ZSCAN26: variants seen among roughly 807,000 people sequenced by gnomAD.
ZSCAN26 encodes the protein zinc finger and SCAN domain containing 26.
ZSCAN26 carries 26 observed loss-of-function variants against 23.0 expected under a neutral mutation model. That is an observed-to-expected ratio of 1.13 (90% CI 0.83 to 1.57). The LOEUF (loss-of-function observed/expected upper bound fraction) is 1.57. ZSCAN26 is among the 40% of genes most tolerant of loss of function. The pLI is 0.00. For synonymous variants in ZSCAN26, 180 were observed against 202.5 expected (o/e 0.89, Z 0.94); for missense variants, 528 against 568.5 (o/e 0.93, Z 0.72).
intron 1 of ZSCAN26, among the ~76,000 whole-genome samples, chr6:28,270,410 A>G (rs1436200027): frequency 1.3e-5 from 2 of 152,330 alleles, no homozygotes; most frequent in African/African-American, 2.4e-5. Context: ...ACTGATCTAT[A>G]GGGATACTCA....
chr6:28,269,210 A>G (rs1761578638), intron 1 of ZSCAN26, among the ~76,000 whole-genome samples: 1 of 152,088 alleles, frequency 6.6e-6, no homozygotes, highest in Non-Finnish European at 1.5e-5. Flanking sequence ...ACCAGTATAT[A>G]TATATGTATG....
In ZSCAN26 at chr6:28,277,586, C is replaced by T. The variant is rs1312919226; in HGVS notation, c.*490C>T. 2 of 152,898 alleles carry T rather than the reference C, an allele frequency of 1.3e-5. No homozygotes were observed. Among genetic ancestry groups the T allele is most frequent in the Non-Finnish European group, 2.9e-5 (2 of 68,534 alleles). 9.5% of individuals were successfully genotyped at this position (152,898 alleles called of 1,614,324 possible). ...CAGGTTAATGGTGAACATTTTCCCC[C>T]AGTGGCTTCACCTCATTCCTCCCAC... is the stretch of plus-strand genomic sequence containing the variant. On this transcript the variant is annotated 3_prime_UTR_variant, in exon 4 of 4. Coordinates refer to ENST00000421553, the MANE Select transcript of ZSCAN26 (RefSeq NM_001023560.4).
Position 28,275,179 on chromosome 6 carries a change from TAG to T in ZSCAN26, c.539-1013_539-1012del, listed in dbSNP as rs927600057. On this transcript the variant is annotated intron_variant, in intron 3 of 3. Coordinates refer to ENST00000421553, the MANE Select transcript of ZSCAN26 (RefSeq NM_001023560.4). ...TCTTTTGTTTGTTATTAGTGCTGCTTAGAGTCTTTCTTCTATTTTCTCCATCC... is the reference window on the plus strand; with the variant it reads ...TCTTTTGTTTGTTATTAGTGCTGCTTAGTCTTTCTTCTATTTTCTCCATCC... Among the ~76,000 whole-genome samples the T allele has an allele frequency of 2.2e-4, 33 of 152,202 alleles. 1 individual carries two copies. The highest frequency in any genetic ancestry group is 8.0e-4 in the African/African-American group (33 of 41,452).
At chr6:28,270,727 G>C (rs1761647285) in intron 1 of ZSCAN26, among the ~76,000 whole-genome samples, 3 of 152,016 alleles carry the variant, frequency 2.0e-5, no homozygotes, top group African/African-American at 7.2e-5. Flanking sequence ...TTTGAAATTT[G>C]TCATTTATGC....
chr6:28,272,736 G>A lies in ZSCAN26; in HGVS notation c.487G>A (p.Glu163Lys). ...GATGGCCCCTCTGAAAGGAGTACAG[G>A]AACAGCAGGTTCGGCATGAGTGTGA... ...EEMAPLKGVQ[E>K]QQVRHECEVT... Residue 163 changes from glutamate to lysine, a missense_variant, in exon 3 of 4, where the codon GAA (glutamate) becomes AAA (lysine). Physicochemically the swap from Glu to Lys is moderately conservative, Grantham distance 56 (BLOSUM62 1). Transcript: ENST00000421553. The A allele has an allele frequency of 6.2e-7, 1 of 1,613,598 alleles. No individual in the cohort carries two copies. The highest frequency in any genetic ancestry group is 8.5e-7 in the Non-Finnish European group (1 of 1,179,746).
In ZSCAN26 at chr6:28,277,175, C is replaced by T. The variant is rs1357667523; in HGVS notation, c.*79C>T. 6.9e-7 allele frequency: 1 copy of T among 1,441,242 alleles called. No homozygotes were observed. Among genetic ancestry groups the T allele is most frequent in the Admixed American group, 2.2e-5 (1 of 46,056 alleles). 89.3% of individuals were successfully genotyped at this position (1,441,242 alleles called of 1,614,324 possible). A position where few individuals can be genotyped will look rare whatever the true frequency, so the allele number is the denominator to read the frequency against. On this transcript the variant is annotated 3_prime_UTR_variant, in exon 4 of 4. Transcript: ENST00000421553. ...GCACTTTAGGAAAAGTCACCGTAGC[C>T]CACTGTGGCATCAGAAAATTCTTGG...
chr6:28,276,807 ACCATCAGAGAAT>A lies in ZSCAN26; in HGVS notation c.1156_1167del (p.Gln386_His389del), dbSNP rs778555035. 17 of 1,614,012 alleles carry A rather than the reference ACCATCAGAGAAT, an allele frequency of 1.1e-5. No individual in the cohort carries two copies. In the South Asian group the frequency reaches 1.5e-4, roughly 15 times the overall value. ...TTTAGTCAGGCCTTACTCCTCACCC[ACCATCAGAGAAT>A]CCATAGTCACTCCAAAAGCCATCAA... On this transcript the variant is annotated inframe_deletion, in exon 4 of 4. Transcript: ENST00000421553.
In ZSCAN26 at chr6:28,272,132, G is replaced by T. The variant is rs1163196623; in HGVS notation, c.213G>T (p.Arg71=). 6.2e-7 allele frequency: 1 copy of T among 1,609,418 alleles called. No individual in the cohort carries two copies. Among genetic ancestry groups the T allele is most frequent in the South Asian group, 1.1e-5 (1 of 90,242 alleles). ...ETTGPREALS[R]LRELCQQWLQ... is the part of the protein sequence containing the mutation. ...CAGGACCTCGAGAAGCACTAAGTCG[G>T]CTCCGGGAGCTCTGTCAACAGTGGC... Residue 71 remains arginine, a synonymous_variant, in exon 2 of 4, where the codon CGG becomes CGT. Coordinates refer to ENST00000421553, the MANE Select transcript of ZSCAN26 (RefSeq NM_001023560.4).
At chr6:28,270,781 C>T (rs1456798926) in intron 1 of ZSCAN26, among the ~76,000 whole-genome samples, 3 of 152,168 alleles carry the variant, frequency 2.0e-5, no homozygotes, top group Non-Finnish European at 2.9e-5. Flanking sequence ...TAGCTATTCT[C>T]ACTACCAAAA....
In ZSCAN26 at chr6:28,277,100, G is replaced by A; in HGVS notation, c.*4G>A. On this transcript the variant is annotated 3_prime_UTR_variant, in exon 4 of 4. Coordinates refer to ENST00000421553, the MANE Select transcript of ZSCAN26 (RefSeq NM_001023560.4). ...CCACAAAGACAAACTGGCTTGATGA[G>A]GTGTTCTCTCCTTGTAGAACATCAG... is the stretch of plus-strand genomic sequence containing the variant. 1.2e-6 allele frequency: 2 copies of A among 1,609,582 alleles called. No homozygotes were observed. The highest frequency in any genetic ancestry group is 2.2e-5 in the East Asian group (1 of 44,854).
chr6:28,273,457 C>T (rs1761799087), intron 3 of ZSCAN26, among the ~76,000 whole-genome samples: 2 of 151,960 alleles, frequency 1.3e-5, no homozygotes. Context: ...CAGAGAACTG[C>T]TTGAATCCAG....
chr6:28,268,885 G>A (rs903357523), intron 1 of ZSCAN26, among the ~76,000 whole-genome samples: 6 of 152,102 alleles, frequency 3.9e-5, no homozygotes, highest in African/African-American at 1.4e-4. Flanking sequence ...GGCTGAGGAC[G>A]GTGGATCACT....
In ZSCAN26 at chr6:28,277,178, C is replaced by T; in HGVS notation, c.*82C>T. 1 of 1,429,942 alleles carries T rather than the reference C, an allele frequency of 7.0e-7. No individual in the cohort carries two copies. Among genetic ancestry groups the T allele is most frequent in the South Asian group, 1.4e-5 (1 of 72,670 alleles). The allele number at this position is 1,429,942 out of a possible 1,614,324, so 88.6% of individuals were successfully genotyped here. On this transcript the variant is annotated 3_prime_UTR_variant, in exon 4 of 4. Coordinates refer to ENST00000421553, the MANE Select transcript of ZSCAN26 (RefSeq NM_001023560.4). Reference sequence around the variant, plus strand: ...CTTTAGGAAAAGTCACCGTAGCCCACTGTGGCATCAGAAAATTCTTGGGGG... The same window carrying T: ...CTTTAGGAAAAGTCACCGTAGCCCATTGTGGCATCAGAAAATTCTTGGGGG...
chr6:28,273,107 C>T (rs2113720692), intron 3 of ZSCAN26, among the ~76,000 whole-genome samples: 1 of 152,240 alleles, frequency 6.6e-6, no homozygotes, highest in South Asian at 2.1e-4. Context: ...TCTTCTTCCT[C>T]TTACTGTAGG....
chr6:28,277,621 C>G lies in ZSCAN26; in HGVS notation c.*525C>G, dbSNP rs1461167614. 2 of 152,300 alleles carry G rather than the reference C, an allele frequency of 1.3e-5. No individual in the cohort carries two copies. The highest frequency in any genetic ancestry group is 4.8e-5 in the African/African-American group (2 of 41,436). The allele number at this position is 152,300 out of a possible 1,614,324, so 9.4% of individuals were successfully genotyped here. ...ACCTCATTCCTCCCACTGGCCTTACCCCTTCCTTCCCCAGTGGAAGCATTT... is the reference window on the plus strand; with the variant it reads ...ACCTCATTCCTCCCACTGGCCTTACGCCTTCCTTCCCCAGTGGAAGCATTT... On this transcript the variant is annotated 3_prime_UTR_variant, in exon 4 of 4. Coordinates refer to ENST00000421553, the MANE Select transcript of ZSCAN26 (RefSeq NM_001023560.4).
chr6:28,276,832 C>G lies in ZSCAN26; in HGVS notation c.1176C>G (p.Ser392=). The G allele has an allele frequency of 6.2e-7, 1 of 1,613,908 alleles. No individual in the cohort carries two copies. Among genetic ancestry groups the G allele is most frequent in the Non-Finnish European group, 8.5e-7 (1 of 1,179,860 alleles). The change falls in exon 4 of 4, where the codon TCC becomes TCG. Residue 392 remains serine, a synonymous_variant. Coordinates refer to ENST00000421553, the MANE Select transcript of ZSCAN26 (RefSeq NM_001023560.4). ...ACCATCAGAGAATCCATAGTCACTC[C>G]AAAAGCCATCAATGTAACGAGTGTG... ...LTHHQRIHSH[S]KSHQCNECGK...
intron 1 of ZSCAN26, among the ~76,000 whole-genome samples, chr6:28,269,886 CAGTTA>C (rs1206425800): frequency 1.3e-5 from 2 of 152,152 alleles, no homozygotes; most frequent in Non-Finnish European, 2.9e-5. Context: ...ACCCTGTGGC[CAGTTA>C]AGTTGACACA....
In ZSCAN26 at chr6:28,272,300, G is replaced by T. The variant is rs2113718582; in HGVS notation, c.381G>T (p.Glu127Asp). ...GGGAGGACGTGGTTGTTGTTCTGGA[G>T]GATTTGCAGCTGGATCTTGGAGAAA... is the stretch of plus-strand genomic sequence containing the variant. ...ESREDVVVVL[E>D]DLQLDLGETG... Residue 127 changes from glutamate to aspartate, a missense_variant, in exon 2 of 4, where the codon GAG (glutamate) becomes GAT (aspartate). Glu to Asp is a conservative substitution (Grantham distance 45, BLOSUM62 2). Coordinates refer to ENST00000421553, the MANE Select transcript of ZSCAN26 (RefSeq NM_001023560.4). The T allele has an allele frequency of 6.3e-7, 1 of 1,575,968 alleles. No individual in the cohort carries two copies. Among genetic ancestry groups the T allele is most frequent in the East Asian group, 2.3e-5 (1 of 43,614 alleles).
chr6:28,275,113 T>A (rs1455017976), intron 3 of ZSCAN26, among the ~76,000 whole-genome samples: 1 of 152,212 alleles, frequency 6.6e-6, no homozygotes, highest in Non-Finnish European at 1.5e-5. Flanking sequence ...TCTTTCCTTT[T>A]TACTTATCTG....
Sources: allele counts gnomAD v4.1 joint callset (sites outside exome capture counted in the v4.1 genomes callset), GRCh38; gene constraint gnomAD v4.1.1; transcripts MANE v1.5; gene names NCBI Gene and HGNC (gene_info 2026-07-23, HGNC 2026-07-21).